Variants in RARB observed in about 807,000 individuals in gnomAD.
RARB encodes retinoic acid receptor beta, also known as HBV-activated protein.
Under a neutral mutation model 51.9 loss-of-function variants are expected in RARB, and 17 were observed. That is an observed-to-expected ratio of 0.33 (90% confidence interval 0.22 to 0.49). The LOEUF is 0.49. Ranked by LOEUF, RARB falls within the 20% of genes least tolerant of loss-of-function variation. RARB has a pLI of 0.99. For missense variants in RARB, 369 were observed against 550.8 expected, an observed-to-expected ratio of 0.67 and a Z score of 3.30; for synonymous variants, 215 against 195.4, an observed-to-expected ratio of 1.10 and a Z score of -0.84.
intron 2 of RARB, among the ~76,000 whole-genome samples, chr3:24,985,440 C>T (rs909909552): frequency 1.1e-4 from 17 of 148,898 alleles, no homozygotes; most frequent in Non-Finnish European, 1.9e-4. Flanking sequence ...TTCTGATAAA[C>T]GTCAAGGGAA....
chr3:24,926,801 G>A (rs1695331155), intron 2 of RARB, among the ~76,000 whole-genome samples: 1 of 152,010 alleles, frequency 6.6e-6, no homozygotes, highest in South Asian at 2.1e-4. Flanking sequence ...AAACTATATT[G>A]TTCAAATAGT....
chr3:25,444,802 C>G (rs901496696), intron 1 of RARB, among the ~76,000 whole-genome samples: 5 of 152,090 alleles, frequency 3.3e-5, no homozygotes, highest in African/African-American at 1.2e-4. Flanking sequence ...CACATTTGGG[C>G]TCCGGTAGAT....
chr3:24,844,838 C>G (rs1702466470), intron 1 of RARB, among the ~76,000 whole-genome samples: 1 of 152,152 alleles, frequency 6.6e-6, no homozygotes, highest in South Asian at 2.1e-4. Context: ...TCCCTGCTCC[C>G]CAGGTCTGTC....
At chr3:25,204,690 C>T (rs1031585925) in intron 5 of RARB, among the ~76,000 whole-genome samples, 4 of 152,190 alleles carry the variant, frequency 2.6e-5, no homozygotes, top group African/African-American at 4.8e-5. Context: ...TGGAGGTTCA[C>T]TCCAGACCCT....
At chr3:25,195,743 T>G (rs2125366705) in intron 5 of RARB, among the ~76,000 whole-genome samples, 1 of 152,192 alleles carries the variant, frequency 6.6e-6, no homozygotes, top group South Asian at 2.1e-4. Flanking sequence ...GGAAGTTAAG[T>G]CTAAATTAAA....
In RARB at chr3:25,486,758, A is replaced by G. The variant is rs1696496125; in HGVS notation, c.307-14424A>G. 2.0e-5 allele frequency among the ~76,000 whole-genome samples: 3 copies of G among 152,316 alleles called. No homozygotes were observed. The South Asian group carries it at 6.2e-4, about 32-fold the overall frequency. On this transcript the variant is annotated intron_variant, in intron 2 of 7. Transcript: ENST00000330688. ...GGCTACATTCTGATATATCCAGCAC[A>G]TATATGCATTTCCTGATGATGGTCT...
chr3:24,855,692 T>TA (rs1374704049), intron 1 of RARB, among the ~76,000 whole-genome samples: 8 of 151,074 alleles, frequency 5.3e-5, no homozygotes, highest in Non-Finnish European at 1.0e-4. Flanking sequence ...AATCACGACC[T>TA]ACCACAGCAG....
intron 2 of RARB, among the ~76,000 whole-genome samples, chr3:25,471,635 G>GT (rs1308315144): frequency 6.7e-6 from 1 of 150,094 alleles, no homozygotes; most frequent in Non-Finnish European, 1.5e-5. Context: ...GGTAAAAATA[G>GT]TTTATTTAAT....
chr3:24,835,431 G>T (rs931741394), intron 1 of RARB, among the ~76,000 whole-genome samples: 1 of 152,110 alleles, frequency 6.6e-6, no homozygotes, highest in Non-Finnish European at 1.5e-5. Flanking sequence ...ATCTTCACAG[G>T]GATGGTGAAA....
At chr3:24,894,832 A>G (rs1703447609) in intron 2 of RARB, among the ~76,000 whole-genome samples, 1 of 152,236 alleles carries the variant, frequency 6.6e-6, no homozygotes, top group Non-Finnish European at 1.5e-5. Context: ...GCCCTCATGG[A>G]GACCATTATC....
At chr3:24,924,314 G>GA (rs1695273574) in intron 2 of RARB, among the ~76,000 whole-genome samples, 1 of 152,016 alleles carries the variant, frequency 6.6e-6, no homozygotes, top group Non-Finnish European at 1.5e-5. Context: ...ATTGTGATTG[G>GA]AAAAATCCTT....
At chr3:25,096,428 C>A (rs1699293453) in intron 3 of RARB, among the ~76,000 whole-genome samples, 1 of 152,098 alleles carries the variant, frequency 6.6e-6, no homozygotes, top group Admixed American at 6.5e-5. Flanking sequence ...TGTACAGATT[C>A]CAAAAATCCA....
chr3:24,894,120 A>G (rs1159301625), intron 2 of RARB, among the ~76,000 whole-genome samples: 1 of 152,046 alleles, frequency 6.6e-6, no homozygotes, highest in African/African-American at 2.4e-5. Context: ...ATTTTTTATA[A>G]TTTCGACTTT....
chr3:25,347,076 C>T (rs778551990), intron 5 of RARB, among the ~76,000 whole-genome samples: 55 of 152,242 alleles, frequency 3.6e-4, no homozygotes, highest in Admixed American at 1.8e-3. Context: ...AGTAGGTTGA[C>T]CGGGAAAACA....
At chr3:25,014,914 T>C (rs1575119573) in intron 2 of RARB, among the ~76,000 whole-genome samples, 1 of 152,318 alleles carries the variant, frequency 6.6e-6, no homozygotes, top group Middle Eastern at 3.4e-3. Flanking sequence ...TTGTTTATAC[T>C]TCTGTTTCTA....
chr3:25,258,974 G>A lies in RARB; in HGVS notation c.178+84399G>A, dbSNP rs998285518. On this transcript the variant is annotated intron_variant, in intron 5 of 11. Transcript: ENST00000383772. ...CCACCACACTGGGGACCAAACCTCAGCCTGAGTTTTGCTGGGGACAAACCA... is the reference window on the plus strand; with the variant it reads ...CCACCACACTGGGGACCAAACCTCAACCTGAGTTTTGCTGGGGACAAACCA... The A allele has an allele frequency of 7.3e-6, 7 of 956,438 alleles. No individual in the cohort carries two copies. The African/African-American group carries it at 1.2e-4, about 17-fold the overall frequency. The allele number at this position is 956,438 out of a possible 1,614,324, so 59.2% of individuals were successfully genotyped here. A position where few individuals can be genotyped will look rare whatever the true frequency, so the allele number is the denominator to read the frequency against.
At chr3:24,860,979 A>G (rs1205082497) in intron 2 of RARB, among the ~76,000 whole-genome samples, 1 of 152,192 alleles carries the variant, frequency 6.6e-6, no homozygotes, top group East Asian at 1.9e-4. Context: ...AACTCACACA[A>G]TGACAAAATC....
intron 4 of RARB, 56 bp downstream of exon 4, chr3:25,569,974 G>T: frequency 6.7e-7 from 1 of 1,493,762 alleles, no homozygotes; most frequent in Non-Finnish European, 9.1e-7. Flanking sequence ...GTACGTGCAT[G>T]TGTGCAGACA....
chr3:24,961,747 G>T (rs915659941), intron 2 of RARB, among the ~76,000 whole-genome samples: 2 of 152,092 alleles, frequency 1.3e-5, no homozygotes, highest in African/African-American at 4.8e-5. Context: ...TTGGACAATT[G>T]GCAAAGCCGA....
Sources: gnomAD v4.1 joint callset for allele counts (sites outside exome capture counted in the v4.1 genomes callset) on GRCh38, gnomAD v4.1.1 for gene constraint, MANE v1.5 for transcripts, NCBI Gene and HGNC (gene_info 2026-07-23, HGNC 2026-07-21) for gene names.